VAT1L: variants seen among roughly 807,000 people sequenced by gnomAD.
The protein encoded by VAT1L is putative NADPH-dependent quinone oxidoreductase VAT1L.
In VAT1L, 34 loss-of-function variants were observed where a neutral mutation model predicts 44.1. The observed-to-expected ratio is 0.77, with a 90% CI of 0.59 to 1.03. VAT1L has a LOEUF of 1.03. Ranked by LOEUF, VAT1L falls within the 50% of genes least tolerant of loss-of-function variation. The probability of loss-of-function intolerance (pLI) is 0.00; values close to 1 mark genes in which losing one functional copy is unlikely to be tolerated. For missense variants in VAT1L, 615 were observed against 538.8 expected (o/e 1.14, Z -1.40); for synonymous variants, 253 against 202.2 (o/e 1.25, Z -2.13).
At chr16:77,796,279 G>C (rs1044697992) in intron 1 of VAT1L, among the ~76,000 whole-genome samples, 1 of 152,164 alleles carries the variant, frequency 6.6e-6, no homozygotes, top group Non-Finnish European at 1.5e-5. Context: ...AGCTGATGAT[G>C]GGCAAAGGGA....
At chr16:77,886,972 G>C (rs1386888029) in intron 7 of VAT1L, among the ~76,000 whole-genome samples, 1 of 152,182 alleles carries the variant, frequency 6.6e-6, no homozygotes, top group African/African-American at 2.4e-5. Context: ...TGTTAAAAGA[G>C]TAACTTTATT....
chr16:77,916,975 C>T, intron 7 of VAT1L, among the ~76,000 whole-genome samples: 1 of 152,094 alleles, frequency 6.6e-6, no homozygotes, highest in Admixed American at 6.5e-5. Context: ...ATTGTTTTGA[C>T]TTCTAAAAAA....
intron 7 of VAT1L, among the ~76,000 whole-genome samples, chr16:77,922,991 C>T (rs989363368): frequency 2.0e-4 from 31 of 152,200 alleles, no homozygotes; most frequent in African/African-American, 7.5e-4. Flanking sequence ...ATCTTCAGAG[C>T]CACCACTGTA....
At chr16:77,789,928 G>C (rs542356694) in intron 1 of VAT1L, among the ~76,000 whole-genome samples, 1 of 152,168 alleles carries the variant, frequency 6.6e-6, no homozygotes, top group Non-Finnish European at 1.5e-5. Flanking sequence ...CACTAGGTTT[G>C]CATGTTAAAC....
At chr16:77,869,053 G>A (rs1311594010) in intron 4 of VAT1L, among the ~76,000 whole-genome samples, 1 of 151,760 alleles carries the variant, frequency 6.6e-6, no homozygotes, top group Admixed American at 6.6e-5. Flanking sequence ...TCAGAAAGGT[G>A]AAACTACAAA....
At chr16:77,965,887 G>A (rs2142539401) in intron 7 of VAT1L, among the ~76,000 whole-genome samples, 1 of 152,252 alleles carries the variant, frequency 6.6e-6, no homozygotes, top group South Asian at 2.1e-4. Flanking sequence ...TATGGACTCT[G>A]AGGTAGACAC....
intron 1 of VAT1L, among the ~76,000 whole-genome samples, chr16:77,797,198 G>A (rs937769215): frequency 6.6e-6 from 1 of 151,252 alleles, no homozygotes. Flanking sequence ...TGCAACCTGC[G>A]CCTCCCAGGT....
At chr16:77,859,957 A>C (rs1205638501) in intron 3 of VAT1L, among the ~76,000 whole-genome samples, 1 of 152,162 alleles carries the variant, frequency 6.6e-6, no homozygotes, top group African/African-American at 2.4e-5. Flanking sequence ...TTACAAAGGC[A>C]ATCGAGTTAA....
At chr16:77,970,439 A>G (rs1002853958) in intron 7 of VAT1L, among the ~76,000 whole-genome samples, 1 of 152,228 alleles carries the variant, frequency 6.6e-6, no homozygotes, top group Non-Finnish European at 1.5e-5. Flanking sequence ...ATGGAGCTAG[A>G]GATTAAAACA....
At chr16:77,965,691 C>G (rs1468692693) in intron 7 of VAT1L, among the ~76,000 whole-genome samples, 1 of 152,214 alleles carries the variant, frequency 6.6e-6, no homozygotes, top group Non-Finnish European at 1.5e-5. Context: ...GCTGGGCCAC[C>G]CAGGCTGCAC....
chr16:77,911,283 G>T (rs2017497229), intron 7 of VAT1L, among the ~76,000 whole-genome samples: 1 of 152,178 alleles, frequency 6.6e-6, no homozygotes, highest in Admixed American at 6.5e-5. Flanking sequence ...TTATGATAAG[G>T]GAGCAGCAAA....
intron 7 of VAT1L, among the ~76,000 whole-genome samples, chr16:77,966,720 T>C (rs2018226444): frequency 6.6e-6 from 1 of 152,282 alleles, no homozygotes; most frequent in South Asian, 2.1e-4. Flanking sequence ...TGTCAACAAC[T>C]CTTACTGAAA....
chr16:77,871,848 A>T (rs1458077376), intron 4 of VAT1L, among the ~76,000 whole-genome samples: 1 of 152,190 alleles, frequency 6.6e-6, no homozygotes, highest in Non-Finnish European at 1.5e-5. Context: ...CCTCAGCTCC[A>T]GTCATTTCTG....
intron 6 of VAT1L, chr16:77,882,199 A>G (rs866665273): frequency 3.9e-5 from 6 of 152,246 alleles, no homozygotes; most frequent in East Asian, 1.9e-4. Context: ...AAATTTTTCA[A>G]TGTATTCAAG....
At chr16:77,956,747 T>C (rs892982006) in intron 7 of VAT1L, among the ~76,000 whole-genome samples, 2 of 152,328 alleles carry the variant, frequency 1.3e-5, no homozygotes, top group Non-Finnish European at 2.9e-5. Context: ...CGGCTTTTGA[T>C]AAGAACACTT....
At chr16:77,944,400 G>A (rs1006308986) in intron 7 of VAT1L, among the ~76,000 whole-genome samples, 10 of 152,224 alleles carry the variant, frequency 6.6e-5, no homozygotes, top group Admixed American at 2.6e-4. Flanking sequence ...AGATGTCTCC[G>A]ACTTGTTAAA....
At chr16:77,937,129 C>A (rs1314206390) in intron 7 of VAT1L, among the ~76,000 whole-genome samples, 1 of 152,166 alleles carries the variant, frequency 6.6e-6, no homozygotes, top group Non-Finnish European at 1.5e-5. Flanking sequence ...GATCTGCCCA[C>A]CTCGGCCTCC....
chr16:77,868,292 G>A (rs955464026), intron 4 of VAT1L, among the ~76,000 whole-genome samples: 5 of 152,198 alleles, frequency 3.3e-5, no homozygotes, highest in African/African-American at 7.2e-5. Flanking sequence ...AAATTATGAA[G>A]TGAGACCATT....
At position 77,879,453 on chromosome 16, in the gene VAT1L, G is replaced by A. The variant is rs920317225; in HGVS notation, c.882+229G>A. Among the ~76,000 whole-genome samples the A allele has an allele frequency of 6.6e-6, 1 of 152,208 alleles. No individual in the cohort carries two copies. Among genetic ancestry groups the A allele is most frequent in the African/African-American group, 2.4e-5 (1 of 41,462 alleles). On this transcript the variant is annotated intron_variant, in intron 6 of 8. Transcript: ENST00000302536. The surrounding 1 kb of genome is among the most constrained non-coding windows in gnomAD (Gnocchi z 4.1). ...TTACAGGCATGCGCCACCATACCCA[G>A]CTAATTTTTGTATTTGTAGTAGAGA...
Sources: gnomAD v4.1 joint callset for allele counts (sites outside exome capture counted in the v4.1 genomes callset) on GRCh38, gnomAD v4.1.1 for gene constraint, Gnocchi (gnomAD v3.1) non-coding constraint, MANE v1.5 for transcripts, NCBI Gene and HGNC (gene_info 2026-07-23, HGNC 2026-07-21) for gene names.